The following DRGX variants were observed in gnomAD, a reference collection of about 807,000 sequenced individuals.
DRGX encodes dorsal root ganglia homeobox, also known as dorsal root ganglia homeobox protein.
In DRGX, 21 loss-of-function variants were observed where a neutral mutation model predicts 28.6. That is an observed-to-expected ratio of 0.73 (90% CI 0.52 to 1.06). The LOEUF (loss-of-function observed/expected upper bound fraction) is 1.06. Among genes scored for constraint, DRGX ranks in the 50% least tolerant of loss-of-function variants. DRGX has a pLI of 0.00. For synonymous variants in DRGX, 136 were observed against 139.1 expected, an observed-to-expected ratio of 0.98 and a Z score of 0.16; for missense variants, 354 against 343.9, an observed-to-expected ratio of 1.03 and a Z score of -0.23.
At position 49,386,521 on chromosome 10, in the gene DRGX, C is replaced by T. The variant is rs1309953171; in HGVS notation, c.483G>A (p.Thr161=). Residue 161 remains threonine (T), a synonymous_variant, in exon 6 of 7, where the codon ACG becomes ACA. Transcript: ENST00000374139. ...GGGACAAGGCCTGGGCGTAGGTGGC[C>T]GTGTTCAGGAGAGTCCCCGGCAAGC... ...PSCLPGTLLN[T]ATYAQALSHV... 2.1e-5 allele frequency: 33 copies of T among 1,588,798 alleles called. No individual in the cohort carries two copies. The highest frequency in any genetic ancestry group is 2.6e-5 in the Non-Finnish European group (30 of 1,167,690).
intron 6 of DRGX, among the ~76,000 whole-genome samples, chr10:49,373,911 A>C (rs1275267291): frequency 3.3e-5 from 5 of 152,200 alleles, no homozygotes; most frequent in African/African-American, 1.2e-4. Context: ...TTTACTTAGA[A>C]ATAGAAAAAT....
chr10:49,381,831 G>A (rs1590366486), intron 6 of DRGX, among the ~76,000 whole-genome samples: 2 of 152,230 alleles, frequency 1.3e-5, no homozygotes, highest in Admixed American at 1.3e-4. Context: ...CCTACCCAGA[G>A]ATGTTTGCTA....
intron 6 of DRGX, among the ~76,000 whole-genome samples, chr10:49,367,332 C>T (rs1849611927): frequency 6.6e-6 from 1 of 151,864 alleles, no homozygotes; most frequent in Admixed American, 6.6e-5. Context: ...CACTGCACTC[C>T]AGCCTGGGCA....
chr10:49,388,387 C>T (rs1327911047), intron 4 of DRGX, among the ~76,000 whole-genome samples: 1 of 152,264 alleles, frequency 6.6e-6, no homozygotes, highest in Non-Finnish European at 1.5e-5. Context: ...CAGAGAGAGC[C>T]TGGGTCCTTG....
intron 1 of DRGX, 140 bp from the exon 2 acceptor site, chr10:49,395,661 G>T (rs886073730): frequency 6.4e-6 from 4 of 620,918 alleles, no homozygotes; most frequent in Non-Finnish European, 1.1e-5. Flanking sequence ...AGGGAAGGCG[G>T]CAGCCCCGTC....
intron 6 of DRGX, among the ~76,000 whole-genome samples, chr10:49,372,811 A>T (rs1006438070): frequency 1.3e-5 from 2 of 152,198 alleles, no homozygotes; most frequent in Non-Finnish European, 2.9e-5. Flanking sequence ...ACTTTTTCAC[A>T]GCTGTATTTT....
intron 6 of DRGX, among the ~76,000 whole-genome samples, chr10:49,372,319 T>A (rs1849667817): frequency 6.6e-6 from 1 of 152,114 alleles, no homozygotes; most frequent in African/African-American, 2.4e-5. Flanking sequence ...CAATAGGACA[T>A]CTCTGGGGCC....
At chr10:49,376,186 C>T (rs547846229) in intron 6 of DRGX, among the ~76,000 whole-genome samples, 4 of 152,316 alleles carry the variant, frequency 2.6e-5, no homozygotes, top group African/African-American at 9.6e-5. Context: ...GGTTCCCCCA[C>T]TATATTCTGC....
At position 49,386,815 on chromosome 10, in the gene DRGX, C is replaced by T; in HGVS notation, c.278G>A (p.Arg93Lys). The change falls in exon 5 of 7, where the codon AGA becomes AAA. Residue 93 changes from arginine to lysine, a missense_variant. Coordinates refer to ENST00000374139, the MANE Select transcript of DRGX (RefSeq NM_001276451.2). ...NRRAKWRKTE[R>K]GASDQEPGAK... Reference sequence around the variant, plus strand: ...TCCTGGCTCCTGGTCTGAGGCCCCTCTCTCTGTCTTCCTCCATTTGGCCCT... The same window carrying T: ...TCCTGGCTCCTGGTCTGAGGCCCCTTTCTCTGTCTTCCTCCATTTGGCCCT... 1.9e-6 allele frequency: 3 copies of T among 1,596,188 alleles called. No individual in the cohort carries two copies. Among genetic ancestry groups the T allele is most frequent in the Non-Finnish European group, 2.6e-6 (3 of 1,173,180 alleles).
intron 6 of DRGX, among the ~76,000 whole-genome samples, chr10:49,379,298 G>A (rs775050930): frequency 6.6e-6 from 1 of 152,204 alleles, no homozygotes; most frequent in African/African-American, 2.4e-5. Context: ...ATGGAGTTAG[G>A]AGTGTGGAGT....
At chr10:49,382,369 C>T (rs1342637248) in intron 6 of DRGX, among the ~76,000 whole-genome samples, 3 of 152,152 alleles carry the variant, frequency 2.0e-5, no homozygotes, top group African/African-American at 7.2e-5. Context: ...AGCATGCATG[C>T]TGTGCTAGTC....
intron 6 of DRGX, among the ~76,000 whole-genome samples, chr10:49,374,130 T>C (rs1849693003): frequency 6.6e-6 from 1 of 152,176 alleles, no homozygotes; most frequent in African/African-American, 2.4e-5. Flanking sequence ...GGTATTACTC[T>C]CATAGAAAGG....
intron 4 of DRGX, among the ~76,000 whole-genome samples, chr10:49,387,855 T>G (rs2132483868): frequency 6.6e-6 from 1 of 152,322 alleles, no homozygotes; most frequent in African/African-American, 2.4e-5. Context: ...TTAACTTGCC[T>G]AAGGCTATCC....
chr10:49,380,419 A>G (rs545763258), intron 6 of DRGX, among the ~76,000 whole-genome samples: 2 of 152,336 alleles, frequency 1.3e-5, no homozygotes, highest in Non-Finnish European at 2.9e-5. Flanking sequence ...CCTCTGCATT[A>G]ATGAATTGTG....
At chr10:49,392,969 T>G (rs377211167) in intron 2 of DRGX, among the ~76,000 whole-genome samples, 1 of 152,230 alleles carries the variant, frequency 6.6e-6, no homozygotes, top group African/African-American at 2.4e-5. Flanking sequence ...TTATTCACCA[T>G]TTGTAGGAGT....
intron 6 of DRGX, among the ~76,000 whole-genome samples, chr10:49,380,226 T>C (rs948060653): frequency 2.0e-5 from 3 of 152,214 alleles, no homozygotes; most frequent in South Asian, 4.1e-4. Context: ...CCCTGGCAGC[T>C]GTAATTATGT....
intron 6 of DRGX, among the ~76,000 whole-genome samples, chr10:49,373,636 A>G (rs1307607869): frequency 1.3e-5 from 2 of 152,190 alleles, no homozygotes; most frequent in Non-Finnish European, 2.9e-5. Context: ...ACAAGATACC[A>G]TCTATGAATC....
At chr10:49,369,954 C>T (rs1235903480) in intron 6 of DRGX, among the ~76,000 whole-genome samples, 1 of 152,156 alleles carries the variant, frequency 6.6e-6, no homozygotes. Context: ...GTCCATGGGG[C>T]TGGCACTCTC....
chr10:49,395,717 C>A (rs1849961528), intron 1 of DRGX, among the ~76,000 whole-genome samples, 196 bp from the exon 2 acceptor site: 1 of 152,196 alleles, frequency 6.6e-6, no homozygotes, highest in African/African-American at 2.4e-5. Flanking sequence ...TGTCCACCTC[C>A]CGGACGGCCG....
Sources: gnomAD v4.1 joint callset for allele counts (sites outside exome capture counted in the v4.1 genomes callset) on GRCh38, gnomAD v4.1.1 for gene constraint, MANE v1.5 for transcripts, NCBI Gene and HGNC (gene_info 2026-07-23, HGNC 2026-07-21) for gene names.